SPATA13: variants seen among roughly 807,000 people sequenced by gnomAD.
SPATA13 encodes the protein spermatogenesis associated 13, also known as spermatogenesis-associated protein 13.
A neutral mutation model predicts 104.0 loss-of-function variants in SPATA13; 50 were observed. The ratio of observed to expected loss-of-function variants is 0.48; its 90% CI spans 0.38 to 0.61. SPATA13 has a LOEUF of 0.61. SPATA13 is among the 20% of genes least tolerant of loss of function. The pLI, the probability that SPATA13 is intolerant of heterozygous loss-of-function variation, is 0.00. For missense variants in SPATA13, 1,524 were observed against 1,690.6 expected (o/e 0.90, Z 1.73); for synonymous variants, 606 against 667.5 (o/e 0.91, Z 1.42).
At chr13:24,113,610 G>A (rs1880720303) in intron 3 of SPATA13, among the ~76,000 whole-genome samples, 2 of 151,914 alleles carry the variant, frequency 1.3e-5, no homozygotes, top group Non-Finnish European at 2.9e-5. Flanking sequence ...GGTGGCTTAA[G>A]CCTGTAATCC....
intron 3 of SPATA13, among the ~76,000 whole-genome samples, chr13:24,137,678 G>A (rs2138452318): frequency 6.6e-6 from 1 of 152,276 alleles, no homozygotes; most frequent in Admixed American, 6.5e-5. Flanking sequence ...AAAACTGCTT[G>A]AGCCTGGGGG....
At position 24,072,509 on chromosome 13, in the gene SPATA13, C is replaced by T. The variant is rs1207421802; in HGVS notation, c.-112+54808C>T. Among the ~76,000 whole-genome samples, 3 of 152,196 alleles carry T rather than the reference C, an allele frequency of 2.0e-5. No homozygotes were observed. In the East Asian group the frequency reaches 5.8e-4, roughly 29 times the overall value. Reference sequence around the variant, plus strand: ...ATCAGGGCTTCTGATGCACCTACTTCACTTTAGAGATGAGCCTCCTGACAC... The same window carrying T: ...ATCAGGGCTTCTGATGCACCTACTTTACTTTAGAGATGAGCCTCCTGACAC... On this transcript the variant is annotated intron_variant, in intron 3 of 14. Transcript: ENST00000424834.
intron 3 of SPATA13, among the ~76,000 whole-genome samples, chr13:24,062,179 T>C (rs1315789520): frequency 6.6e-6 from 1 of 152,244 alleles, no homozygotes; most frequent in East Asian, 1.9e-4. Flanking sequence ...TACTGTGACC[T>C]CTGGTACAGT....
At chr13:24,004,713 A>G (rs567146042) in intron 2 of SPATA13, among the ~76,000 whole-genome samples, 125 of 152,304 alleles carry the variant, frequency 8.2e-4, no homozygotes, top group Admixed American at 1.5e-3. Flanking sequence ...TTTACATTCC[A>G]TACGATTTAT....
rs372742681 is a variant in SPATA13, at chr13:24,130,355, A to G, written c.-111-92464A>G. On this transcript the variant is annotated intron_variant, in intron 3 of 14. Transcript: ENST00000424834. ...CAGGCACCTCCCTGTAACTGGATCA[A>G]AAGGGGACTGTTTGGCAAATACAAA... Among the ~76,000 whole-genome samples, 70 of 152,340 alleles carry G rather than the reference A, an allele frequency of 4.6e-4. 1 individual carries two copies. Among genetic ancestry groups the G allele is most frequent in the African/African-American group, 1.7e-3 (69 of 41,586 alleles).
At chr13:24,277,605 T>A (rs1875111490) in intron 4 of SPATA13, among the ~76,000 whole-genome samples, 1 of 152,056 alleles carries the variant, frequency 6.6e-6, no homozygotes, top group African/African-American at 2.4e-5. Context: ...CCTATCCTGG[T>A]TCGGACCCAG....
intron 4 of SPATA13, among the ~76,000 whole-genome samples, chr13:24,274,111 G>C (rs1336508310): frequency 6.6e-6 from 1 of 152,204 alleles, no homozygotes; most frequent in African/African-American, 2.4e-5. Flanking sequence ...GTTGGAATAA[G>C]GAACATTCAG....
intron 1 of SPATA13, among the ~76,000 whole-genome samples, chr13:24,210,874 T>C (rs368594983): frequency 2.6e-5 from 4 of 152,114 alleles, no homozygotes; most frequent in Admixed American, 2.0e-4. Flanking sequence ...AATTCATGTT[T>C]ATAGGATATC....
rs1373622719 is a variant in SPATA13 at position 24,211,513 on chromosome 13, A to G, written c.-111-11306A>G. Among the ~76,000 whole-genome samples, 3 of 152,208 alleles carry G rather than the reference A, an allele frequency of 2.0e-5. No homozygotes were observed. The East Asian group carries it at 5.8e-4, about 29-fold the overall frequency. On this transcript the variant is annotated intron_variant, in intron 1 of 12. Transcript: ENST00000382108. ...TTTCTGTATCTGTTGAGATAGTCCT[A>G]TGATTTTTAGCCTTGATTTTGTTGA...
intron 1 of SPATA13, among the ~76,000 whole-genome samples, chr13:24,171,459 G>T (rs891621561): frequency 2.0e-5 from 3 of 152,218 alleles, no homozygotes; most frequent in African/African-American, 7.2e-5. Flanking sequence ...CAGTAGCCAT[G>T]TCCTACTTCT....
chr13:24,062,970 C>T (rs1878826377), intron 3 of SPATA13, among the ~76,000 whole-genome samples: 2 of 152,112 alleles, frequency 1.3e-5, no homozygotes, highest in South Asian at 2.1e-4. Flanking sequence ...CCAAAGTGCC[C>T]CTGGGGGTTT....
In SPATA13 at chr13:24,128,272, C is replaced by T. The variant is rs77684704; in HGVS notation, c.-111-94547C>T. Among the ~76,000 whole-genome samples, 617 of 152,294 alleles carry T rather than the reference C, an allele frequency of 4.1e-3. 9 individuals carry two copies. In the East Asian group the frequency reaches 0.062, roughly 15 times the overall value. ...CTTGTGCCCGGAGGGGTGACCTACA[C>T]GTGGGACAGGAAAGGACATTGTGGC... On this transcript the variant is annotated intron_variant, in intron 3 of 14. Coordinates refer to the SPATA13 transcript ENST00000424834.
chr13:24,083,059 A>G (rs1367808571), intron 3 of SPATA13, among the ~76,000 whole-genome samples: 1 of 152,206 alleles, frequency 6.6e-6, no homozygotes, highest in Non-Finnish European at 1.5e-5. Flanking sequence ...ATGATAGCCT[A>G]CAGTTGAGGG....
At chr13:24,003,273 A>G (rs1876066305) in intron 2 of SPATA13, among the ~76,000 whole-genome samples, 1 of 152,186 alleles carries the variant, frequency 6.6e-6, no homozygotes, top group Non-Finnish European at 1.5e-5. Flanking sequence ...AGCCATTTTG[A>G]TGTTTCCATT....
chr13:24,178,250 C>T (rs1275852856), intron 1 of SPATA13, among the ~76,000 whole-genome samples: 1 of 152,176 alleles, frequency 6.6e-6, no homozygotes, highest in African/African-American at 2.4e-5. Flanking sequence ...ACCATTCACT[C>T]CAGAAGCCAC....
chr13:23,990,863 G>A (rs1875379797), intron 2 of SPATA13, among the ~76,000 whole-genome samples: 2 of 152,244 alleles, frequency 1.3e-5, no homozygotes, highest in Non-Finnish European at 1.5e-5. Context: ...CTGGGTGCCA[G>A]TGGCTTGTGA....
intron 3 of SPATA13, among the ~76,000 whole-genome samples, chr13:24,086,136 CT>C (rs1879711012): frequency 6.6e-6 from 1 of 152,170 alleles, no homozygotes; most frequent in Non-Finnish European, 1.5e-5. Flanking sequence ...GTGAGTTTGA[CT>C]TTCCTTATGA....
intron 3 of SPATA13, among the ~76,000 whole-genome samples, chr13:24,065,373 G>T (rs59058768): frequency 0.014 from 2,145 of 152,250 alleles, 40 homozygotes; most frequent in African/African-American, 0.047. Flanking sequence ...TGGGAGGGCT[G>T]TGAGCCTGCT....
At chr13:24,059,755 C>T (rs775970787) in intron 3 of SPATA13, among the ~76,000 whole-genome samples, 2 of 152,174 alleles carry the variant, frequency 1.3e-5, no homozygotes, top group African/African-American at 2.4e-5. Context: ...GGGCCTGAGA[C>T]TATGGCGTTT....
Sources: allele counts gnomAD v4.1 joint callset (sites outside exome capture counted in the v4.1 genomes callset), GRCh38; gene constraint gnomAD v4.1.1; transcripts MANE v1.5; gene names NCBI Gene and HGNC (gene_info 2026-07-23, HGNC 2026-07-21).